ACOT11: variants seen among roughly 807,000 people sequenced by gnomAD.
ACOT11 encodes acyl-coenzyme A thioesterase 11.
A neutral mutation model predicts 77.5 loss-of-function variants in ACOT11; 69 were observed. That is an observed-to-expected ratio of 0.89 (90% confidence interval 0.73 to 1.09). The LOEUF is 1.09. Among genes scored for constraint, ACOT11 ranks in the 50% least tolerant of loss-of-function variants. The pLI is 0.00. For missense variants in ACOT11, 766 were observed against 813.7 expected (o/e 0.94, Z 0.71); for synonymous variants, 279 against 313.0 (o/e 0.89, Z 1.15).
intron 1 of ACOT11, among the ~76,000 whole-genome samples, chr1:54,562,232 C>T (rs1653534779): frequency 9.2e-6 from 1 of 108,136 alleles, no homozygotes; most frequent in African/African-American, 4.6e-5. Flanking sequence ...ACCCCCCCAC[C>T]TCCCTCCCGG....
chr1:54,575,535 G>T (rs889232688), intron 1 of ACOT11, among the ~76,000 whole-genome samples: 6 of 151,952 alleles, frequency 3.9e-5, no homozygotes, highest in African/African-American at 1.5e-4. Context: ...CTCCCTGCCT[G>T]TGTGGGGTGA....
rs775366537 is a variant in ACOT11 at position 54,594,635 on chromosome 1, G to A, written c.551G>A (p.Arg184His). The change falls in exon 6 of 16, where the codon CGC becomes CAC. Residue 184 changes from arginine to histidine, a missense_variant. Physicochemically the swap from Arg to His is conservative, Grantham distance 29. Coordinates refer to ENST00000343744, the MANE Select transcript of ACOT11 (RefSeq NM_147161.4). ...GTGGCGGCTGAGCGCCGGCGCATGC[G>A]CCTTGTCTATGCAGACACCATCAAG... is the stretch of plus-strand genomic sequence containing the variant. ...HSVAAERRRM[R>H]LVYADTIKDL... The A allele has an allele frequency of 6.8e-6, 11 of 1,614,032 alleles. No individual in the cohort carries two copies. The highest frequency in any genetic ancestry group is 4.5e-5 in the East Asian group (2 of 44,906).
chr1:54,605,311 T>C, intron 13 of ACOT11, 102 bp downstream of exon 13: 1 of 1,388,468 alleles, frequency 7.2e-7, no homozygotes, highest in Non-Finnish European at 9.5e-7. Flanking sequence ...TCTGCCCTGC[T>C]GGGGCTGGGG....
chr1:54,615,822 C>T (rs1356062320), intron 15 of ACOT11, among the ~76,000 whole-genome samples: 8 of 152,188 alleles, frequency 5.3e-5, no homozygotes, highest in African/African-American at 1.9e-4. Context: ...GGAGAAAACA[C>T]CAGGACCTGC....
intron 1 of ACOT11, among the ~76,000 whole-genome samples, chr1:54,563,139 CAA>C (rs1405561095): frequency 6.6e-6 from 1 of 152,224 alleles, no homozygotes; most frequent in East Asian, 1.9e-4. Context: ...GGCGCGGCGG[CAA>C]AGACTCTGAT....
rs754424047 is a variant in ACOT11, at chr1:54,602,729, G to A, written c.1085+5G>A. On this transcript the variant is annotated splice_donor_5th_base_variant and intron_variant, in intron 10 of 15. Transcript: ENST00000343744. ...AAAGAAGATCCGCCTGGACAGGTGAGTAGGGGCTGAGTGGTGGGCAGAATG... is the reference window on the plus strand; with the variant it reads ...AAAGAAGATCCGCCTGGACAGGTGAATAGGGGCTGAGTGGTGGGCAGAATG... 1 of 1,542,944 alleles carries A rather than the reference G, an allele frequency of 6.5e-7. No individual in the cohort carries two copies. Among genetic ancestry groups the A allele is most frequent in the Non-Finnish European group, 8.7e-7 (1 of 1,145,338 alleles).
chr1:54,575,038 C>G (rs183294769), intron 1 of ACOT11, among the ~76,000 whole-genome samples: 19 of 152,294 alleles, frequency 1.2e-4, no homozygotes, highest in Non-Finnish European at 1.8e-4. Flanking sequence ...GTCTGCCTAA[C>G]TAAGCCCTTT....
intron 3 of ACOT11, among the ~76,000 whole-genome samples, chr1:54,592,249 G>A (rs924597964): frequency 2.6e-5 from 4 of 152,152 alleles, no homozygotes; most frequent in African/African-American, 9.7e-5. Context: ...CCATTGAGCC[G>A]AGAGCAAAAA....
intron 1 of ACOT11, chr1:54,582,612 A>G: frequency 1.3e-6 from 1 of 766,158 alleles, no homozygotes; most frequent in African/African-American, 1.9e-5. Flanking sequence ...AAGCAGAGAG[A>G]GGACCAGAGC....
At chr1:54,614,636 A>G, downstream of ACOT11, 4 of 1,522,456 alleles carry the variant, frequency 2.6e-6, no homozygotes, top group East Asian at 2.3e-5. Flanking sequence ...TAAGATCCCC[A>G]TCCTGTGGTA....
chr1:54,607,048 T>G lies in ACOT11; in HGVS notation c.1371-86T>G. 1 of 1,568,212 alleles carries G rather than the reference T, an allele frequency of 6.4e-7. No individual in the cohort carries two copies. Among genetic ancestry groups the G allele is most frequent in the East Asian group, 2.3e-5 (1 of 44,104 alleles). ...CCCATCACAGAAGCTGCTCAGGCAC[T>G]GCAGTGTGGCAGGGCCCGGGCAGAC... is the stretch of plus-strand genomic sequence containing the variant. On this transcript the variant is annotated intron_variant, in intron 13 of 15. Coordinates refer to ENST00000343744, the MANE Select transcript of ACOT11 (RefSeq NM_147161.4). This position sits in a 1 kb window ranked among gnomAD's most constrained non-coding sequence, Gnocchi z 4.5.
chr1:54,623,655 C>G, intron 15 of ACOT11: 1 of 401,748 alleles, frequency 2.5e-6, no homozygotes, highest in African/African-American at 2.0e-5. Context: ...CTAAAATGAC[C>G]TTTGAGCACA....
chr1:54,582,488 T>C (rs1243497673), intron 1 of ACOT11: 2 of 985,242 alleles, frequency 2.0e-6, no homozygotes, highest in South Asian at 4.7e-5. Flanking sequence ...AATGAACCAG[T>C]GAGCAAGGCA....
At chr1:54,635,470 T>C in exon 17 of ACOT11, 1 of 222,404 alleles carries the variant, frequency 4.5e-6, no homozygotes, top group South Asian at 5.7e-5. Context: ...CTTAATAAGA[T>C]CAAAATTTGG....
exon 16 of ACOT11, chr1:54,630,766 G>A (rs762501871): frequency 1.1e-5 from 8 of 761,232 alleles, no homozygotes; most frequent in Non-Finnish European, 1.9e-5. Context: ...TGACTGAGCT[G>A]GTCTCGGCAA....
exon 17 of ACOT11, chr1:54,637,816 C>T (rs1289141780): frequency 1.3e-5 from 2 of 151,886 alleles, no homozygotes; most frequent in East Asian, 1.9e-4. Flanking sequence ...TGCAACTCAT[C>T]AGAGTTGCAC....
Position 54,607,901 on chromosome 1 carries a change from G to A in ACOT11, c.1503-41G>A, listed in dbSNP as rs1427984716. 1.9e-6 allele frequency: 3 copies of A among 1,610,580 alleles called. No homozygotes were observed. Among genetic ancestry groups the A allele is most frequent in the Non-Finnish European group, 2.5e-6 (3 of 1,177,934 alleles). On this transcript the variant is annotated intron_variant, in intron 14 of 15. Coordinates refer to ENST00000343744, the MANE Select transcript of ACOT11 (RefSeq NM_147161.4). The surrounding 1 kb of genome is among the most constrained non-coding windows in gnomAD (Gnocchi z 4.5). Reference sequence around the variant, plus strand: ...GCAGAACAGGCCCCCACTTTCTTCTGTGGCTGACCCCTGTCCCCTTGCTAC... The same window carrying A: ...GCAGAACAGGCCCCCACTTTCTTCTATGGCTGACCCCTGTCCCCTTGCTAC...
Position 54,609,537 on chromosome 1 carries a change from T to TATGCTA in ACOT11, c.*427_*428insGCTAAT, listed in dbSNP as rs1644085985. ...CAGAGCCCCTGGCACAACTCTAGCA[T>TATGCTA]ATCTGTGAGCAGCTGTTCCCTGTAG... On this transcript the variant is annotated 3_prime_UTR_variant, in exon 16 of 16. Transcript: ENST00000343744. The TATGCTA allele has an allele frequency of 6.2e-7, 1 of 1,612,986 alleles. No homozygotes were observed. Among genetic ancestry groups the TATGCTA allele is most frequent in the Non-Finnish European group, 8.5e-7 (1 of 1,180,024 alleles).
chr1:54,592,665 C>T, intron 4 of ACOT11, 59 bp downstream of exon 4: 1 of 1,555,988 alleles, frequency 6.4e-7, no homozygotes, highest in Non-Finnish European at 8.8e-7. Flanking sequence ...TACCTCCTCT[C>T]TCCATTCTTC....
Sources: allele counts gnomAD v4.1 joint callset (sites outside exome capture counted in the v4.1 genomes callset), GRCh38; gene constraint gnomAD v4.1.1; non-coding constraint Gnocchi (gnomAD v3.1); transcripts MANE v1.5; gene names NCBI Gene and HGNC (gene_info 2026-07-23, HGNC 2026-07-21).